ITPR3: variants seen among roughly 807,000 people sequenced by gnomAD.
ITPR3 encodes the protein inositol 1,4,5-trisphosphate receptor type 3.
Under a neutral mutation model 293.2 loss-of-function variants are expected in ITPR3, and 173 were observed. That is an observed-to-expected ratio of 0.59 (90% CI 0.52 to 0.67). The LOEUF (loss-of-function observed/expected upper bound fraction) is 0.67, where lower values mean the gene tolerates loss of function less well. ITPR3 is among the 30% of genes least tolerant of loss of function. The pLI is 0.00. For missense variants in ITPR3, 2,796 were observed against 3,592.1 expected, an observed-to-expected ratio of 0.78 and a Z score of 5.66; for synonymous variants, 1,295 against 1,444.4, an observed-to-expected ratio of 0.90 and a Z score of 2.35.
At chr6:33,668,661 T>G (rs775542510) in intron 17 of ITPR3, 27 bp downstream of exon 17, 1 of 1,613,904 alleles carries the variant, frequency 6.2e-7, no homozygotes, top group Non-Finnish European at 8.5e-7. Flanking sequence ...CTGCCCGCAC[T>G]TGGGCTCCAC....
chr6:33,663,114 C>A, intron 9 of ITPR3, 108 bp downstream of exon 9: 1 of 870,164 alleles, frequency 1.1e-6, no homozygotes. Flanking sequence ...GCCTATGGAC[C>A]CTGACTTCTC....
intron 39 of ITPR3, 86 bp downstream of exon 39, chr6:33,685,029 C>T: frequency 6.9e-7 from 1 of 1,451,300 alleles, no homozygotes; most frequent in Non-Finnish European, 9.4e-7. Flanking sequence ...GCACTGAAGG[C>T]CGAGGAGGGT....
At chr6:33,639,198 G>T (rs1763890660) in intron 1 of ITPR3, among the ~76,000 whole-genome samples, 1 of 152,102 alleles carries the variant, frequency 6.6e-6, no homozygotes, top group African/African-American at 2.4e-5. Context: ...GGCCAAGATG[G>T]TGAAACCCAG....
chr6:33,676,846 G>A lies in ITPR3; in HGVS notation c.3361G>A (p.Val1121Met), dbSNP rs776217996. The change falls in exon 26 of 58, where the codon GTG (valine) becomes ATG (methionine). Residue 1121 changes from valine to methionine, a missense_variant. Physicochemically the swap from Val to Met is conservative, Grantham distance 21. Transcript: ENST00000605930. ...KSELDRLRTM[V>M]EKSELWVDKK... ...GGAGCTGGACCGGCTGCGGACCATG[G>A]TGGAGAAGTCAGAGCTGTGGGTGGA... is the stretch of plus-strand genomic sequence containing the variant. 25 of 1,614,056 alleles carry A rather than the reference G, an allele frequency of 1.5e-5. No homozygotes were observed. Among genetic ancestry groups the A allele is most frequent in the Non-Finnish European group, 1.9e-5 (22 of 1,180,006 alleles).
chr6:33,624,468 G>C lies in ITPR3; in HGVS notation c.89+2777G>C, dbSNP rs1339777366. On this transcript the variant is annotated intron_variant, in intron 1 of 57. Transcript: ENST00000605930. The surrounding 1 kb of genome is among the most constrained non-coding windows in gnomAD (Gnocchi z 4.7). Reference sequence around the variant, plus strand: ...TCAGAAATGCAGAATCTCAGACCCCGTGCCCGTCCTACTGAATGAGAATCT... The same window carrying C: ...TCAGAAATGCAGAATCTCAGACCCCCTGCCCGTCCTACTGAATGAGAATCT... Among the ~76,000 whole-genome samples the C allele has an allele frequency of 6.6e-6, 1 of 152,218 alleles. No individual in the cohort carries two copies. Among genetic ancestry groups the C allele is most frequent in the African/African-American group, 2.4e-5 (1 of 41,448 alleles).
At position 33,672,054 on chromosome 6, in the gene ITPR3, G is replaced by A; in HGVS notation, c.2754G>A (p.Gln918=). 6.2e-7 allele frequency: 1 copy of A among 1,611,072 alleles called. No individual in the cohort carries two copies. The highest frequency in any genetic ancestry group is 8.5e-7 in the Non-Finnish European group (1 of 1,178,202). ...GCAAGAATGTGCGGCGGTCCATCCAGGGCGTGGGGCACATGATGTCCACCA... is the reference window on the plus strand; with the variant it reads ...GCAAGAATGTGCGGCGGTCCATCCAAGGCGTGGGGCACATGATGTCCACCA... ...PGGKNVRRSI[Q]GVGHMMSTMV... is the part of the protein sequence containing the mutation. The change falls in exon 22 of 58, where the codon CAG becomes CAA. Residue 918 remains glutamine (Q), a synonymous_variant. Coordinates refer to ENST00000605930, the MANE Select transcript of ITPR3 (RefSeq NM_002224.4). The surrounding 1 kb of genome is among the most constrained non-coding windows in gnomAD (Gnocchi z 5.0).
At position 33,687,715 on chromosome 6, in the gene ITPR3, G is replaced by A. The variant is rs962201877; in HGVS notation, c.6264+151G>A. The A allele has an allele frequency of 2.9e-6, 2 of 682,042 alleles. No individual in the cohort carries two copies. The allele number at this position is 682,042 out of a possible 1,614,324, so 42.2% of individuals were successfully genotyped here. A position where few individuals can be genotyped will look rare whatever the true frequency, so the allele number is the denominator to read the frequency against. On this transcript the variant is annotated intron_variant, in intron 46 of 57. Transcript: ENST00000605930. The surrounding 1 kb of genome is among the most constrained non-coding windows in gnomAD (Gnocchi z 5.3). ...ACAGCTCAGGGGGCTGATTGGGACTGGCAGCCGTGGGTGAAACCCAGACAG... is the reference window on the plus strand; with the variant it reads ...ACAGCTCAGGGGGCTGATTGGGACTAGCAGCCGTGGGTGAAACCCAGACAG...
At chr6:33,690,378 ATGGCCACTCCTG>A (rs1765358454) in intron 51 of ITPR3, among the ~76,000 whole-genome samples, 180 bp downstream of exon 51, 1 of 152,018 alleles carries the variant, frequency 6.6e-6, no homozygotes, top group African/African-American at 2.4e-5. Context: ...CAAGGCCCTG[ATGGCCACTCCTG>A]GTGGCCATCT....
In ITPR3 at chr6:33,672,117, C is replaced by G. The variant is rs148396142; in HGVS notation, c.2817C>G (p.Pro939=). 2 of 1,613,856 alleles carry G rather than the reference C, an allele frequency of 1.2e-6. No individual in the cohort carries two copies. Among genetic ancestry groups the G allele is most frequent in the African/African-American group, 2.7e-5 (2 of 74,904 alleles). ...LSRKQSVFSA[P]SLSAGASAAE... is the part of the protein sequence containing the mutation. ...GCAAGCAGTCCGTCTTCAGTGCCCC[C>G]AGCCTGTCTGCTGGGGCCAGTGCTG... The change falls in exon 22 of 58, where the codon CCC becomes CCG. Residue 939 remains proline (P), a synonymous_variant. Coordinates refer to ENST00000605930, the MANE Select transcript of ITPR3 (RefSeq NM_002224.4). The surrounding 1 kb of genome is among the most constrained non-coding windows in gnomAD (Gnocchi z 5.0).
intron 1 of ITPR3, among the ~76,000 whole-genome samples, chr6:33,635,583 AGGT>A (rs1302983186): frequency 2.6e-5 from 4 of 152,214 alleles, no homozygotes; most frequent in Non-Finnish European, 5.9e-5. Context: ...CTAGCCAACC[AGGT>A]GGTGATAAAG....
intron 7 of ITPR3, 132 bp from the exon 8 acceptor site, chr6:33,662,396 C>A: frequency 9.4e-7 from 1 of 1,064,852 alleles, no homozygotes; most frequent in Non-Finnish European, 1.3e-6. Context: ...ATCCCCCTCT[C>A]TGTGTGCTGG....
rs1046171567 is a variant in ITPR3 at position 33,687,402 on chromosome 6, A to C, written c.6177+75A>C. ...CCCGCCCCAGCTGCCATCATCCCCC[A>C]GTCGCCATTGTCGCCCCCCAGCCAC... On this transcript the variant is annotated intron_variant, in intron 45 of 57. Coordinates refer to ENST00000605930, the MANE Select transcript of ITPR3 (RefSeq NM_002224.4). The surrounding 1 kb of genome is among the most constrained non-coding windows in gnomAD (Gnocchi z 5.3). 144 of 1,416,458 alleles carry C rather than the reference A, an allele frequency of 1.0e-4. No homozygotes were observed. In the East Asian group the frequency reaches 3.2e-3, roughly 32 times the overall value. The allele number at this position is 1,416,458 out of a possible 1,614,324, so 87.7% of individuals were successfully genotyped here.
chr6:33,669,472 C>G lies in ITPR3; in HGVS notation c.2189+316C>G, dbSNP rs116626145. ...ATTAGCTAGCCATGGTGGTGCACAC[C>G]TGTAGTCCCAGCTACTTGGCAGGCT... On this transcript the variant is annotated intron_variant, in intron 18 of 57. Transcript: ENST00000605930. Among the ~76,000 whole-genome samples the G allele has an allele frequency of 3.9e-3, 597 of 152,322 alleles. 5 individuals are homozygous for G. Among genetic ancestry groups the G allele is most frequent in the African/African-American group, 0.013 (533 of 41,566 alleles).
At chr6:33,677,681 C>T in intron 28 of ITPR3, 52 bp downstream of exon 28, 1 of 1,594,994 alleles carries the variant, frequency 6.3e-7, no homozygotes, top group Non-Finnish European at 8.6e-7. Context: ...CCCCTGAACC[C>T]CGGCCTGACC....
chr6:33,657,784 G>A (rs1193053185), intron 3 of ITPR3, 148 bp from the exon 4 acceptor site: 1 of 634,164 alleles, frequency 1.6e-6, no homozygotes, highest in Non-Finnish European at 2.8e-6. Context: ...AGCTGGGGCA[G>A]GGGTCCAAGG....
At position 33,685,513 on chromosome 6, in the gene ITPR3, C is replaced by A; in HGVS notation, c.5462C>A (p.Pro1821Gln). The A allele has an allele frequency of 6.2e-7, 1 of 1,613,572 alleles. No homozygotes were observed. Among genetic ancestry groups the A allele is most frequent in the South Asian group, 1.1e-5 (1 of 91,046 alleles). Residue 1821 changes from proline to glutamine, a missense_variant, in exon 40 of 58, where the codon CCA becomes CAA. Physicochemically the swap from Pro to Gln is moderately conservative, Grantham distance 76. This residue lies in a region of ITPR3 where 704 missense variants were observed against 797.5 expected (regional missense o/e 0.88). Coordinates refer to ENST00000605930, the MANE Select transcript of ITPR3 (RefSeq NM_002224.4). ...LGSQPHEDRE[P>Q]VDPTTKGRVA... The stretch of plus-strand genomic sequence containing the variant: ...AGCCAGCCACATGAGGACCGCGAGC[C>A]AGTCGACCCCACCACCAAAGGTCAG...
chr6:33,631,719 A>C (rs1763683198), intron 1 of ITPR3, among the ~76,000 whole-genome samples: 1 of 151,920 alleles, frequency 6.6e-6, no homozygotes, highest in African/African-American at 2.4e-5. Context: ...GTGTTCCCCA[A>C]CTCTTCCAAG....
At chr6:33,686,336 G>C (rs1765230105) in intron 42 of ITPR3, 73 bp from the exon 43 acceptor site, 4 of 1,594,674 alleles carry the variant, frequency 2.5e-6, no homozygotes, top group Non-Finnish European at 3.4e-6. Context: ...GGCAGGGAGA[G>C]AGGCTGAGGT....
chr6:33,674,553 T>C (rs996134632), intron 24 of ITPR3, among the ~76,000 whole-genome samples: 1 of 152,136 alleles, frequency 6.6e-6, no homozygotes, highest in Non-Finnish European at 1.5e-5. Flanking sequence ...TGGAACAACG[T>C]CCCCAGTCCC....
Sources: allele counts gnomAD v4.1 joint callset (sites outside exome capture counted in the v4.1 genomes callset), GRCh38; gene constraint gnomAD v4.1.1; regional missense constraint gnomAD v4.1.1; non-coding constraint Gnocchi (gnomAD v3.1); transcripts MANE v1.5; gene names NCBI Gene and HGNC (gene_info 2026-07-23, HGNC 2026-07-21).